MAST4: variants seen among roughly 807,000 people sequenced by gnomAD.
The protein encoded by MAST4 is microtubule associated serine/threonine kinase family member 4, also known as microtubule-associated serine/threonine-protein kinase 4.
Under a neutral mutation model 162.7 loss-of-function variants are expected in MAST4, and 89 were observed. The ratio of observed to expected loss-of-function variants is 0.55; its 90% CI spans 0.46 to 0.65. The LOEUF (loss-of-function observed/expected upper bound fraction) is 0.65. MAST4 is among the 30% of genes least tolerant of loss of function. MAST4 has a pLI of 0.00. For synonymous variants in MAST4, 1,479 were observed against 1,361.1 expected (o/e 1.09, Z -1.91); for missense variants, 3,153 against 3,374.0 (o/e 0.93, Z 1.62).
In MAST4 at chr5:66,970,111, G is replaced by T. The variant is rs1332709189; in HGVS notation, c.674+70129G>T. On this transcript the variant is annotated intron_variant, in intron 4 of 28. Coordinates refer to ENST00000403625, the MANE Select transcript of MAST4 (RefSeq NM_001164664.2). ...GTGCCAGCCCTGTGGGTGTGGGGCT[G>T]GGGAGAGATGAGGAAGATTGGCAGT... Among the ~76,000 whole-genome samples the T allele has an allele frequency of 7.2e-5, 11 of 152,302 alleles. No individual in the cohort carries two copies. The East Asian group carries it at 1.9e-3, about 27-fold the overall frequency.
At chr5:66,678,731 G>C (rs545502876) in intron 1 of MAST4, among the ~76,000 whole-genome samples, 1 of 151,748 alleles carries the variant, frequency 6.6e-6, no homozygotes, top group Admixed American at 6.6e-5. Context: ...TTGATCTCGT[G>C]ATCTTCCCAC....
At chr5:67,112,268 G>A (rs10461521) in intron 11 of MAST4, among the ~76,000 whole-genome samples, 1 of 152,084 alleles carries the variant, frequency 6.6e-6, no homozygotes, top group Non-Finnish European at 1.5e-5. Flanking sequence ...ACCAAACTCG[G>A]TTTCTCCTGC....
intron 1 of MAST4, among the ~76,000 whole-genome samples, chr5:66,755,369 A>G (rs1432121866): frequency 6.6e-6 from 1 of 152,230 alleles, no homozygotes; most frequent in Non-Finnish European, 1.5e-5. Flanking sequence ...ATATTTAAAA[A>G]CTATGAATTA....
chr5:67,056,273 T>C (rs1758808798), intron 5 of MAST4, among the ~76,000 whole-genome samples: 1 of 152,016 alleles, frequency 6.6e-6, no homozygotes, highest in African/African-American at 2.4e-5. Flanking sequence ...TTTCTGTTTG[T>C]GAGATTGATA....
chr5:67,019,813 A>T (rs569888194), intron 4 of MAST4, among the ~76,000 whole-genome samples: 1 of 152,318 alleles, frequency 6.6e-6, no homozygotes, highest in East Asian at 1.9e-4. Flanking sequence ...GGGTATATAG[A>T]GTCGTATGTT....
intron 4 of MAST4, among the ~76,000 whole-genome samples, chr5:66,981,068 G>A (rs765831534): frequency 4.1e-4 from 62 of 152,192 alleles, no homozygotes; most frequent in Middle Eastern, 3.2e-3. Flanking sequence ...TGGAGTATGG[G>A]AGAGATCGTT....
intron 4 of MAST4, among the ~76,000 whole-genome samples, chr5:67,034,542 A>G (rs537007397): frequency 1.3e-5 from 2 of 152,290 alleles, no homozygotes; most frequent in East Asian, 3.9e-4. Flanking sequence ...AATGTCAGAC[A>G]CTGCAGTAAC....
At chr5:66,689,409 C>G (rs919291909) in intron 1 of MAST4, among the ~76,000 whole-genome samples, 3 of 152,154 alleles carry the variant, frequency 2.0e-5, no homozygotes, top group Non-Finnish European at 4.4e-5. Flanking sequence ...GAGCCCTCAT[C>G]CACAATTTAG....
At chr5:67,145,650 AG>A (rs1770994445) in intron 23 of MAST4, among the ~76,000 whole-genome samples, 1 of 152,182 alleles carries the variant, frequency 6.6e-6, no homozygotes, top group South Asian at 2.1e-4. Flanking sequence ...GCCAGGTTGC[AG>A]GGGATCTTTT....
chr5:67,093,416 G>A (rs577802183), intron 6 of MAST4, among the ~76,000 whole-genome samples: 553 of 152,316 alleles, frequency 3.6e-3, no homozygotes, highest in Non-Finnish European at 5.3e-3. Flanking sequence ...AAAAGGGCAT[G>A]TTCTCTCTTA....
rs1241884040 is a variant in MAST4 at position 66,596,534 on chromosome 5, C to G, written c.-122C>G. On this transcript the variant is annotated 5_prime_UTR_variant, in exon 1 of 29. Coordinates refer to ENST00000403625, the MANE Select transcript of MAST4 (RefSeq NM_001164664.2). ...TGCCATGTAGTCGCTGGCGGGGCTC[C>G]CTGCAGCCCGGGAGCGGCAGTGCCA... is the stretch of plus-strand genomic sequence containing the variant. 2 of 1,192,024 alleles carry G rather than the reference C, an allele frequency of 1.7e-6. No individual in the cohort carries two copies. The highest frequency in any genetic ancestry group is 3.2e-5 in the African/African-American group (2 of 63,092). 73.8% of individuals were successfully genotyped at this position (1,192,024 alleles called of 1,614,324 possible).
chr5:66,963,801 A>T, intron 4 of MAST4: 1 of 779,714 alleles, frequency 1.3e-6, no homozygotes, highest in Non-Finnish European at 2.4e-6. Flanking sequence ...AGCATGCTCC[A>T]GGGCCTGCCC....
At chr5:67,010,040 G>T (rs779440919) in intron 4 of MAST4, among the ~76,000 whole-genome samples, 2 of 152,052 alleles carry the variant, frequency 1.3e-5, no homozygotes, top group African/African-American at 4.8e-5. Flanking sequence ...AGAGTGAGGC[G>T]GGGAAAACAC....
rs1298829349 is a variant in MAST4 at position 67,166,141 on chromosome 5, C to T, written c.6962C>T (p.Ser2321Phe). The T allele has an allele frequency of 1.3e-6, 2 of 1,587,680 alleles. No homozygotes were observed. Among genetic ancestry groups the T allele is most frequent in the Non-Finnish European group, 1.7e-6 (2 of 1,166,422 alleles). ...AGTGAGCCAGCGGACCAGAAACTGT[C>T]CGCTGTTGGTGAAAAGCAAACCCTG... ...GPSEPADQKL[S>F]AVGEKQTLSP... Residue 2321 changes from serine to phenylalanine, a missense_variant, in exon 29 of 29, where the codon TCC becomes TTC. Physicochemically the swap from Ser to Phe is radical, Grantham distance 155. Coordinates refer to ENST00000403625, the MANE Select transcript of MAST4 (RefSeq NM_001164664.2).
intron 5 of MAST4, among the ~76,000 whole-genome samples, chr5:67,078,919 T>TATATATATAATATATATATATATATATA (rs1554093912): frequency 4.6e-4 from 30 of 65,874 alleles, no homozygotes; most frequent in African/African-American, 2.3e-3. Flanking sequence ...TAAATATATA[T>TATATATATAATATATATATATATATATA]ATATATATAT....
intron 2 of MAST4, among the ~76,000 whole-genome samples, chr5:66,781,433 C>T (rs536105120): frequency 6.6e-6 from 1 of 152,334 alleles, no homozygotes; most frequent in Admixed American, 6.5e-5. Flanking sequence ...AGAGCCTGTG[C>T]CCTGTCTGCC....
intron 4 of MAST4, among the ~76,000 whole-genome samples, chr5:66,957,169 T>TACTTTAACTTTA (rs1437096707): frequency 1.3e-5 from 2 of 152,208 alleles, no homozygotes; most frequent in Non-Finnish European, 2.9e-5. Context: ...GATGAAGGTC[T>TACTTTAACTTTA]ACTTTAAAAG....
intron 5 of MAST4, among the ~76,000 whole-genome samples, chr5:67,088,343 T>C (rs1763476790): frequency 6.6e-6 from 1 of 152,216 alleles, no homozygotes; most frequent in South Asian, 2.1e-4. Flanking sequence ...TAGAATGTCT[T>C]GGCTTCAGAT....
chr5:66,600,340 T>TAACA (rs1742474158), intron 1 of MAST4, among the ~76,000 whole-genome samples: 1 of 152,240 alleles, frequency 6.6e-6, no homozygotes. Flanking sequence ...TTCTGAGAGT[T>TAACA]AACACTGTCT....
Sources: allele counts gnomAD v4.1 joint callset (sites outside exome capture counted in the v4.1 genomes callset), GRCh38; gene constraint gnomAD v4.1.1; transcripts MANE v1.5; gene names NCBI Gene and HGNC (gene_info 2026-07-23, HGNC 2026-07-21).